Variants in C20orf96 observed in about 807,000 individuals in gnomAD.
C20orf96 encodes the protein uncharacterized protein C20orf96.
Under a neutral mutation model 52.6 loss-of-function variants are expected in C20orf96, and 57 were observed. That is an observed-to-expected ratio of 1.08 (90% CI 0.88 to 1.35). C20orf96 has a LOEUF of 1.35. C20orf96 is among the 40% of genes most tolerant of loss of function. The probability of loss-of-function intolerance (pLI) is 0.00; values close to 1 mark genes in which losing one functional copy is unlikely to be tolerated. For synonymous variants in C20orf96, 168 were observed against 157.2 expected (o/e 1.07, Z -0.51); for missense variants, 478 against 443.6 (o/e 1.08, Z -0.70).
At chr20:279,129 T>TGAGGGA (rs1568491539) in intron 5 of C20orf96, 43 bp downstream of exon 5, 1 of 875,142 alleles carries the variant, frequency 1.1e-6, no homozygotes. Context: ...GGACGGAGGT[T>TGAGGGA]GGGACGGAGG....
In C20orf96 at chr20:276,863, T is replaced by A; in HGVS notation, c.842A>T (p.Tyr281Phe). 2.5e-6 allele frequency: 4 copies of A among 1,613,978 alleles called. No homozygotes were observed. The highest frequency in any genetic ancestry group is 1.1e-5 in the South Asian group (1 of 91,064). ...SSVVAETQRP[Y>F]EEALLQKMWE... ...CATCTTCTGTAGGAGAGCCTCTTCA[T>A]AGGGACGCTGGGTTTCCTGTGGAGG... The change falls in exon 9 of 11, where the codon TAT becomes TTT. Residue 281 changes from tyrosine to phenylalanine, a missense_variant. Coordinates refer to ENST00000360321, the MANE Select transcript of C20orf96 (RefSeq NM_153269.3).
chr20:285,602 C>T (rs897237389), intron 3 of C20orf96, among the ~76,000 whole-genome samples: 1 of 152,084 alleles, frequency 6.6e-6, no homozygotes, highest in African/African-American at 2.4e-5. Flanking sequence ...AGGTTTAATA[C>T]ACTCTTATTA....
chr20:276,941 A>C (rs1314727580), intron 8 of C20orf96, 62 bp from the exon 9 acceptor site: 1 of 1,607,236 alleles, frequency 6.2e-7, no homozygotes. Context: ...AACATGGTAG[A>C]GACCGATGGG....
At chr20:276,927 G>C in intron 8 of C20orf96, 48 bp from the exon 9 acceptor site, 1 of 1,610,354 alleles carries the variant, frequency 6.2e-7, no homozygotes, top group Non-Finnish European at 8.5e-7. Flanking sequence ...TTCCTGGGCA[G>C]CAGAACATGG....
At chr20:282,749 G>A (rs886734477) in intron 4 of C20orf96, among the ~76,000 whole-genome samples, 1 of 152,062 alleles carries the variant, frequency 6.6e-6, no homozygotes, top group African/African-American at 2.4e-5. Context: ...GTGGGCGCCT[G>A]TAATCCCAGG....
chr20:278,572 C>T, intron 5 of C20orf96, 143 bp from the exon 6 acceptor site: 2 of 683,962 alleles, frequency 2.9e-6, no homozygotes, highest in Non-Finnish European at 2.7e-6. Flanking sequence ...TAACAGTGTC[C>T]ACCCATAGGG....
intron 4 of C20orf96, among the ~76,000 whole-genome samples, chr20:282,201 C>T (rs946097695): frequency 6.6e-6 from 1 of 152,266 alleles, no homozygotes; most frequent in South Asian, 2.1e-4. Flanking sequence ...AGCAGCCTCT[C>T]GTTAGCACCT....
At position 271,219 on chromosome 20, in the gene C20orf96, T is replaced by C. The variant is rs2011822374; in HGVS notation, c.1080A>G (p.Pro360=). 6.4e-7 allele frequency: 1 copy of C among 1,555,502 alleles called. No individual in the cohort carries two copies. Among genetic ancestry groups the C allele is most frequent in the African/African-American group, 1.4e-5 (1 of 73,390 alleles). ...ATGGCACTGCCATCTAGAAGGGTAG[T>C]GGCTCTTCCACAGGAATGTTGAGGA... is the stretch of plus-strand genomic sequence containing the variant. ...DVILNIPVEE[P]LPF is the part of the protein sequence containing the mutation. The change falls in exon 11 of 11, where the codon CCA becomes CCG. Residue 360 remains proline (P), a synonymous_variant. Coordinates refer to ENST00000360321, the MANE Select transcript of C20orf96 (RefSeq NM_153269.3).
intron 4 of C20orf96, among the ~76,000 whole-genome samples, chr20:279,565 G>C (rs938921064): frequency 1.3e-5 from 2 of 152,186 alleles, no homozygotes; most frequent in Non-Finnish European, 2.9e-5. Flanking sequence ...CCTGAGGTGC[G>C]GGTGCATCTA....
chr20:273,502 T>C (rs1422235455), intron 10 of C20orf96, among the ~76,000 whole-genome samples: 1 of 152,110 alleles, frequency 6.6e-6, no homozygotes, highest in Non-Finnish European at 1.5e-5. Flanking sequence ...CTTCCAACCA[T>C]AGCTCCTTCA....
chr20:276,904 C>G (rs1265116065), intron 8 of C20orf96, 25 bp from the exon 9 acceptor site: 12 of 1,613,466 alleles, frequency 7.4e-6, no homozygotes, highest in African/African-American at 1.3e-5. Context: ...GAGGTCTGGC[C>G]CCCAGGTGCC....
At chr20:279,482 A>T in intron 4 of C20orf96, 152 bp from the exon 5 acceptor site, 1 of 816,730 alleles carries the variant, frequency 1.2e-6, no homozygotes, top group Non-Finnish European at 1.8e-6. Context: ...GCGGTTCCCC[A>T]TTGTCTGCGC....
At chr20:272,107 A>G (rs1213004558) in intron 10 of C20orf96, among the ~76,000 whole-genome samples, 1 of 126,152 alleles carries the variant, frequency 7.9e-6, no homozygotes. Flanking sequence ...ACCAACATAG[A>G]AAAAAAAAAA....
intron 6 of C20orf96, among the ~76,000 whole-genome samples, chr20:277,658 G>A (rs2012076388): frequency 6.6e-6 from 1 of 152,176 alleles, no homozygotes. Flanking sequence ...TTGCCGGGTG[G>A]CTCTCGCCAA....
chr20:279,128 TTGGGACGGAGGGACGG>T, intron 5 of C20orf96, 28 bp downstream of exon 5: 1 of 880,964 alleles, frequency 1.1e-6, no homozygotes, highest in Non-Finnish European at 1.4e-6. Context: ...GGGACGGAGG[TTGGGACGGAGGGACGG>T]AGGGCGGGCG....
At chr20:284,224 A>C in intron 3 of C20orf96, 143 bp from the exon 4 acceptor site, 1 of 634,712 alleles carries the variant, frequency 1.6e-6, no homozygotes, top group East Asian at 2.7e-5. Context: ...CACTAGACCG[A>C]GGGTGAAATT....
intron 4 of C20orf96, 41 bp from the exon 5 acceptor site, chr20:279,371 T>C (rs1349944944): frequency 6.3e-7 from 1 of 1,578,030 alleles, no homozygotes; most frequent in Non-Finnish European, 8.5e-7. Context: ...CGCTGCGCCC[T>C]GCCCGGCCTG....
Position 289,612 on chromosome 20 carries a change from T to C in C20orf96, c.134A>G (p.Gln45Arg). The change falls in exon 3 of 11, where the codon CAA (glutamine) becomes CGA (arginine). Residue 45 changes from glutamine to arginine, a missense_variant. Physicochemically the swap from Gln to Arg is conservative, Grantham distance 43. Transcript: ENST00000360321. ...TTTGCTTGTATGAAGGCTGTTGGCT[T>C]GTTGGACTGGAGGCAGAGTAGATGG... is the stretch of plus-strand genomic sequence containing the variant. ...TKPSTLPPVQ[Q>R]ANSLHTSKMK... is the part of the protein sequence containing the mutation. 6.2e-7 allele frequency: 1 copy of C among 1,614,084 alleles called. No homozygotes were observed.
At chr20:290,187 G>T in intron 2 of C20orf96, 72 bp downstream of exon 2, 1 of 1,219,686 alleles carries the variant, frequency 8.2e-7, no homozygotes, top group Non-Finnish European at 1.2e-6. Context: ...AGTCACGACC[G>T]TGAGAGTGGA....
Sources: gnomAD v4.1 joint callset for allele counts (sites outside exome capture counted in the v4.1 genomes callset) on GRCh38, gnomAD v4.1.1 for gene constraint, MANE v1.5 for transcripts, NCBI Gene and HGNC (gene_info 2026-07-23, HGNC 2026-07-21) for gene names.